Variants in LTBP1 observed in about 807,000 individuals in gnomAD.
The protein encoded by LTBP1 is latent-transforming growth factor beta-binding protein 1.
In LTBP1, 129 loss-of-function variants were observed where a neutral mutation model predicts 207.6. The ratio of observed to expected loss-of-function variants is 0.62; its 90% CI spans 0.54 to 0.72. LTBP1 has a LOEUF of 0.72. Among genes scored for constraint, LTBP1 ranks in the 30% least tolerant of loss-of-function variants. The pLI is 0.00. For synonymous variants in LTBP1, 963 were observed against 833.7 expected (o/e 1.16, Z -2.67); for missense variants, 2,281 against 2,217.2 (o/e 1.03, Z -0.58).
chr2:33,382,384 G>A (rs1034493533), intron 31 of LTBP1, among the ~76,000 whole-genome samples: 1 of 151,882 alleles, frequency 6.6e-6, no homozygotes, highest in Non-Finnish European at 1.5e-5. Context: ...CGTGAGCCAC[G>A]GTGCCCAGTC....
chr2:32,954,553 C>CG (rs1390068220), intron 2 of LTBP1, among the ~76,000 whole-genome samples: 1 of 150,894 alleles, frequency 6.6e-6, no homozygotes, highest in South Asian at 2.1e-4. Context: ...TCCCCGCCCC[C>CG]CCCCACCAAT....
intron 5 of LTBP1, among the ~76,000 whole-genome samples, chr2:33,143,747 A>C (rs1017978990): frequency 5.3e-5 from 8 of 150,994 alleles, no homozygotes; most frequent in Admixed American, 1.3e-4. Context: ...AAGAACCTTA[A>C]GTTCCATTTC....
At chr2:33,056,463 G>T in intron 3 of LTBP1, 1 of 900,988 alleles carries the variant, frequency 1.1e-6, no homozygotes, top group Non-Finnish European at 1.7e-6. Flanking sequence ...GTTGCAAATT[G>T]CCAGCTGGAG....
intron 3 of LTBP1, among the ~76,000 whole-genome samples, chr2:33,032,430 A>G (rs2075733492): frequency 6.6e-6 from 1 of 152,118 alleles, no homozygotes; most frequent in South Asian, 2.1e-4. Context: ...ATCGATATCA[A>G]CTTCCGTGTA....
At chr2:32,984,931 C>G (rs1683313340) in intron 2 of LTBP1, among the ~76,000 whole-genome samples, 1 of 112,020 alleles carries the variant, frequency 8.9e-6, no homozygotes, top group African/African-American at 2.7e-5. Flanking sequence ...GACTCTGTTT[C>G]AAAAAAACAA....
At chr2:32,956,480 A>G (rs1678092940) in intron 2 of LTBP1, among the ~76,000 whole-genome samples, 1 of 152,190 alleles carries the variant, frequency 6.6e-6, no homozygotes, top group Non-Finnish European at 1.5e-5. Flanking sequence ...GCAGCTCCTC[A>G]TCTCTTCAAG....
rs533961844 is a variant in LTBP1, at chr2:33,013,862, T to A, written c.566-7047T>A. 2.0e-5 allele frequency among the ~76,000 whole-genome samples: 3 copies of A among 151,538 alleles called. No homozygotes were observed. In the South Asian group the frequency reaches 6.3e-4, roughly 32 times the overall value. ...TGGGGAGCTGGGAATTCTGGGGCTG[T>A]GTACTTGACATAAAGGCATTAAACT... On this transcript the variant is annotated intron_variant, in intron 2 of 33. Transcript: ENST00000404816.
At chr2:33,021,301 C>A in intron 3 of LTBP1, 95 bp downstream of exon 3, 1 of 1,175,626 alleles carries the variant, frequency 8.5e-7, no homozygotes, top group Non-Finnish European at 1.2e-6. Flanking sequence ...GCACAATTTG[C>A]AGAAATCACT....
At chr2:33,029,286 G>T (rs2075577708) in intron 3 of LTBP1, among the ~76,000 whole-genome samples, 1 of 152,138 alleles carries the variant, frequency 6.6e-6, no homozygotes, top group Non-Finnish European at 1.5e-5. Flanking sequence ...AGAACAGCCT[G>T]CCCAACATGG....
intron 5 of LTBP1, among the ~76,000 whole-genome samples, chr2:33,174,788 G>T (rs1333664538): frequency 6.6e-6 from 1 of 152,092 alleles, no homozygotes; most frequent in Non-Finnish European, 1.5e-5. Flanking sequence ...AAAACAGCAT[G>T]GTACTGGTAC....
intron 6 of LTBP1, among the ~76,000 whole-genome samples, chr2:33,187,964 C>T (rs2087383648): frequency 6.6e-6 from 1 of 152,108 alleles, no homozygotes; most frequent in Admixed American, 6.5e-5. Flanking sequence ...AATTTACCTG[C>T]TTAGAACAAG....
At chr2:33,078,616 G>T (rs2078210149) in intron 3 of LTBP1, among the ~76,000 whole-genome samples, 2 of 152,144 alleles carry the variant, frequency 1.3e-5, no homozygotes, top group Admixed American at 1.3e-4. Flanking sequence ...TACAATAGGA[G>T]TATTTATAAT....
chr2:33,086,531 A>G (rs1366537589), intron 3 of LTBP1, among the ~76,000 whole-genome samples: 2 of 152,300 alleles, frequency 1.3e-5, no homozygotes, highest in East Asian at 1.9e-4. Flanking sequence ...GGCGACATAC[A>G]TGAGACCCGA....
intron 2 of LTBP1, among the ~76,000 whole-genome samples, chr2:32,985,969 A>G (rs1683497974): frequency 6.6e-6 from 1 of 152,160 alleles, no homozygotes; most frequent in Non-Finnish European, 1.5e-5. Context: ...AAGGAAGGAC[A>G]TCGCTTATTT....
At chr2:33,251,243 C>T (rs1470406175) in intron 10 of LTBP1, among the ~76,000 whole-genome samples, 1 of 152,164 alleles carries the variant, frequency 6.6e-6, no homozygotes, top group Non-Finnish European at 1.5e-5. Context: ...ACCACTGATG[C>T]TATTTACAAC....
At chr2:33,051,214 C>G (rs1360986165) in intron 3 of LTBP1, among the ~76,000 whole-genome samples, 1 of 152,026 alleles carries the variant, frequency 6.6e-6, no homozygotes, top group African/African-American at 2.4e-5. Flanking sequence ...GCCAAGAGTT[C>G]GAGACCAGCC....
At chr2:32,994,231 A>T (rs1684888976) in intron 2 of LTBP1, among the ~76,000 whole-genome samples, 1 of 152,166 alleles carries the variant, frequency 6.6e-6, no homozygotes, top group South Asian at 2.1e-4. Flanking sequence ...GTTAACATTC[A>T]CTGAGGACTG....
intron 5 of LTBP1, among the ~76,000 whole-genome samples, chr2:33,175,231 TG>T (rs2085906850): frequency 6.6e-6 from 1 of 151,132 alleles, no homozygotes; most frequent in African/African-American, 2.4e-5. Context: ...ACCTACAAAA[TG>T]GGAGAAAATT....
chr2:32,952,481 C>A (rs1408053892), intron 2 of LTBP1, among the ~76,000 whole-genome samples: 1 of 152,132 alleles, frequency 6.6e-6, no homozygotes, highest in African/African-American at 2.4e-5. Context: ...CTCTTGATAG[C>A]CTTACCTGTT....
Sources: gnomAD v4.1 joint callset for allele counts (sites outside exome capture counted in the v4.1 genomes callset) on GRCh38, gnomAD v4.1.1 for gene constraint, MANE v1.5 for transcripts, NCBI Gene and HGNC (gene_info 2026-07-23, HGNC 2026-07-21) for gene names.